Variants in ZBTB20 observed in about 807,000 individuals in gnomAD.
The protein encoded by ZBTB20 is zinc finger and BTB domain-containing protein 20.
ZBTB20 carries 9 observed loss-of-function variants against 56.9 expected under a neutral mutation model. The ratio of observed to expected loss-of-function variants is 0.16; its 90% confidence interval spans 0.10 to 0.28. ZBTB20 has a LOEUF of 0.28. Among genes scored for constraint, ZBTB20 ranks in the 10% least tolerant of loss-of-function variants. The probability of loss-of-function intolerance (pLI) is 1.00; values close to 1 mark genes in which losing one functional copy is unlikely to be tolerated. For missense variants in ZBTB20, 655 were observed against 1,003.0 expected (o/e 0.65, Z 4.69); for synonymous variants, 417 against 420.7 (o/e 0.99, Z 0.11).
chr3:114,580,554 A>T (rs1032176139), intron 6 of ZBTB20, among the ~76,000 whole-genome samples: 1 of 151,828 alleles, frequency 6.6e-6, no homozygotes, highest in Non-Finnish European at 1.5e-5. Flanking sequence ...AATGACTGTC[A>T]TTATTTACTG....
At chr3:114,396,232 C>T (rs2086327183) in intron 7 of ZBTB20, among the ~76,000 whole-genome samples, 1 of 152,106 alleles carries the variant, frequency 6.6e-6, no homozygotes, top group Admixed American at 6.6e-5. Flanking sequence ...TTTCCTATAC[C>T]TTACCTCTTA....
chr3:114,992,511 C>T (rs2078858645), intron 2 of ZBTB20, among the ~76,000 whole-genome samples: 1 of 151,758 alleles, frequency 6.6e-6, no homozygotes, highest in African/African-American at 2.4e-5. Flanking sequence ...CTCTGGGTGT[C>T]AGACAAAAAG....
At chr3:114,732,470 G>A (rs1046388417) in intron 5 of ZBTB20, among the ~76,000 whole-genome samples, 4 of 152,120 alleles carry the variant, frequency 2.6e-5, no homozygotes, top group South Asian at 2.1e-4. Flanking sequence ...GACTGTGCCC[G>A]TAGAGGAAAA....
chr3:114,711,360 A>C (rs1045477161), intron 5 of ZBTB20, among the ~76,000 whole-genome samples: 2 of 152,170 alleles, frequency 1.3e-5, no homozygotes, highest in African/African-American at 4.8e-5. Context: ...AAGTAGATGA[A>C]TAAAGTGTTC....
intron 5 of ZBTB20, among the ~76,000 whole-genome samples, chr3:114,781,375 C>G (rs2070085475): frequency 6.6e-6 from 1 of 152,134 alleles, no homozygotes; most frequent in African/African-American, 2.4e-5. Flanking sequence ...GCTGTTACTT[C>G]TAATATGTAC....
chr3:114,934,175 C>A (rs2076453447), intron 3 of ZBTB20, among the ~76,000 whole-genome samples: 1 of 152,200 alleles, frequency 6.6e-6, no homozygotes, highest in Non-Finnish European at 1.5e-5. Context: ...ACCTATGGAT[C>A]TTTGCACCAA....
chr3:114,919,977 A>G (rs1052442248), intron 3 of ZBTB20, among the ~76,000 whole-genome samples: 3 of 152,204 alleles, frequency 2.0e-5, no homozygotes, highest in African/African-American at 7.2e-5. Flanking sequence ...GAGTGGTTAT[A>G]GTTATATCAG....
intron 7 of ZBTB20, among the ~76,000 whole-genome samples, chr3:114,442,986 C>T (rs1187434898): frequency 1.3e-5 from 2 of 152,084 alleles, no homozygotes; most frequent in Non-Finnish European, 2.9e-5. Context: ...AATTACCATG[C>T]CATATTCAAG....
At chr3:114,350,152 G>GT in intron 11 of ZBTB20, 122 bp downstream of exon 11, 1 of 1,387,250 alleles carries the variant, frequency 7.2e-7, no homozygotes, top group Non-Finnish European at 9.8e-7. Flanking sequence ...GAGGCTTGTG[G>GT]TGGGGTCTGT....
chr3:114,622,659 G>A (rs1235501203), intron 6 of ZBTB20, among the ~76,000 whole-genome samples: 1 of 152,156 alleles, frequency 6.6e-6, no homozygotes, highest in Non-Finnish European at 1.5e-5. Flanking sequence ...ACTCAGTATA[G>A]CAAACAAAAT....
At chr3:114,618,862 A>G (rs551435963) in intron 6 of ZBTB20, among the ~76,000 whole-genome samples, 2 of 152,318 alleles carry the variant, frequency 1.3e-5, no homozygotes, top group East Asian at 1.9e-4. Flanking sequence ...TTGTTATACA[A>G]TTTTGCTTCC....
At chr3:115,017,049 A>C (rs1272269718) in intron 2 of ZBTB20, among the ~76,000 whole-genome samples, 1 of 151,650 alleles carries the variant, frequency 6.6e-6, no homozygotes, top group Non-Finnish European at 1.5e-5. Flanking sequence ...CAAGCAAGAG[A>C]AAGAAATAAA....
At chr3:114,913,540 T>G (rs1328999093) in intron 3 of ZBTB20, among the ~76,000 whole-genome samples, 1 of 152,138 alleles carries the variant, frequency 6.6e-6, no homozygotes, top group Non-Finnish European at 1.5e-5. Flanking sequence ...GGTTGTCTCT[T>G]CACTTTGTTG....
chr3:114,950,181 G>C (rs2077018221), intron 3 of ZBTB20, among the ~76,000 whole-genome samples: 1 of 152,082 alleles, frequency 6.6e-6, no homozygotes, highest in Admixed American at 6.5e-5. Context: ...ACCTCCCTTA[G>C]TGAATACCTG....
chr3:114,616,557 C>T (rs886099647), intron 6 of ZBTB20, among the ~76,000 whole-genome samples: 1 of 152,144 alleles, frequency 6.6e-6, no homozygotes, highest in Non-Finnish European at 1.5e-5. Context: ...CTGCAGGCTC[C>T]TCTTCCTCTC....
intron 4 of ZBTB20, among the ~76,000 whole-genome samples, chr3:114,817,673 G>T (rs1293096404): frequency 2.0e-5 from 3 of 151,880 alleles, no homozygotes; most frequent in Non-Finnish European, 4.4e-5. Flanking sequence ...CCATGAACTA[G>T]AAAGTAAGTT....
chr3:115,029,783 A>G (rs1306753378), intron 2 of ZBTB20, among the ~76,000 whole-genome samples: 1 of 150,996 alleles, frequency 6.6e-6, no homozygotes, highest in African/African-American at 2.4e-5. Context: ...TAAAACCATA[A>G]AAGAAATAGA....
chr3:114,942,122 T>A (rs2107856585), intron 3 of ZBTB20, among the ~76,000 whole-genome samples: 1 of 146,154 alleles, frequency 6.8e-6, no homozygotes, highest in South Asian at 2.1e-4. Context: ...ATGACACAGT[T>A]AAGCATTAGT....
intron 3 of ZBTB20, among the ~76,000 whole-genome samples, chr3:114,948,265 C>T (rs1020787760): frequency 5.6e-5 from 8 of 144,026 alleles, no homozygotes; most frequent in Non-Finnish European, 5.9e-5. Flanking sequence ...CAGAAACACA[C>T]ATAAAACAAC....
Sources: allele counts gnomAD v4.1 joint callset (sites outside exome capture counted in the v4.1 genomes callset), GRCh38; gene constraint gnomAD v4.1.1; transcripts MANE v1.5; gene names NCBI Gene and HGNC (gene_info 2026-07-23, HGNC 2026-07-21).